BCAN: variants seen among roughly 807,000 people sequenced by gnomAD.
BCAN encodes brevican core protein.
In BCAN, 51 loss-of-function variants were observed where a neutral mutation model predicts 92.4. The ratio of observed to expected loss-of-function variants is 0.55; its 90% CI spans 0.44 to 0.70. The LOEUF (loss-of-function observed/expected upper bound fraction) is 0.70, where lower values mean the gene tolerates loss of function less well. BCAN is among the 30% of genes least tolerant of loss of function. The pLI, the probability that BCAN is intolerant of heterozygous loss-of-function variation, is 0.00. For missense variants in BCAN, 1,140 were observed against 1,212.1 expected, an observed-to-expected ratio of 0.94 and a Z score of 0.88; for synonymous variants, 501 against 505.2, an observed-to-expected ratio of 0.99 and a Z score of 0.11.
intron 6 of BCAN, 29 bp from the exon 7 acceptor site, chr1:156,651,427 C>A: frequency 6.3e-7 from 1 of 1,582,534 alleles, no homozygotes; most frequent in Non-Finnish European, 8.7e-7. Flanking sequence ...CCTATTCAGG[C>A]TCGCATCAAT....
chr1:156,657,383 T>G, intron 10 of BCAN: 2 of 556,554 alleles, frequency 3.6e-6, no homozygotes. Flanking sequence ...CTCCCTGCTC[T>G]CCGACCTCCG....
rs777787904 is a variant in BCAN at position 156,652,573 on chromosome 1, G to A, written c.1623G>A (p.Glu541=). 1.9e-6 allele frequency: 3 copies of A among 1,613,990 alleles called. No individual in the cohort carries two copies. Among genetic ancestry groups the A allele is most frequent in the African/African-American group, 2.7e-5 (2 of 74,922 alleles). Residue 541 remains glutamate (E), a synonymous_variant, in exon 8 of 14, where the codon GAG becomes GAA. Coordinates refer to ENST00000329117, the MANE Select transcript of BCAN (RefSeq NM_021948.5). ...RPPRVHGPPT[E]TLPTPRERNL... The stretch of plus-strand genomic sequence containing the variant: ...CAAGGGTCCATGGACCACCTACTGA[G>A]ACTCTGCCCACTCCCAGGGAGAGGA...
At chr1:156,648,315 G>A (rs1335743110) in intron 5 of BCAN, among the ~76,000 whole-genome samples, 1 of 152,132 alleles carries the variant, frequency 6.6e-6, no homozygotes, top group Non-Finnish European at 1.5e-5. Flanking sequence ...GCAGGATACC[G>A]AGTTTAACTC....
chr1:156,651,295 T>C (rs1191217394), intron 6 of BCAN, among the ~76,000 whole-genome samples, 161 bp from the exon 7 acceptor site: 1 of 152,204 alleles, frequency 6.6e-6, no homozygotes, highest in African/African-American at 2.4e-5. Context: ...TGATGAATGC[T>C]TGAGAAATGA....
chr1:156,657,262 A>T lies in BCAN; in HGVS notation c.2209+166A>T, dbSNP rs1015762639. On this transcript the variant is annotated intron_variant, in intron 10 of 13. Coordinates refer to ENST00000329117, the MANE Select transcript of BCAN (RefSeq NM_021948.5). Reference sequence around the variant, plus strand: ...CCCTTCTCATTCTCTCTCCCTTCCCACCCTACGCTTAGGCAGTGGCCTTCG... The same window carrying T: ...CCCTTCTCATTCTCTCTCCCTTCCCTCCCTACGCTTAGGCAGTGGCCTTCG... 24 of 966,866 alleles carry T rather than the reference A, an allele frequency of 2.5e-5. No homozygotes were observed. The African/African-American group carries it at 3.8e-4, about 15-fold the overall frequency. The allele number at this position is 966,866 out of a possible 1,614,324, so 59.9% of individuals were successfully genotyped here. A position where few individuals can be genotyped will look rare whatever the true frequency, so the allele number is the denominator to read the frequency against.
At position 156,658,703 on chromosome 1, in the gene BCAN, C is replaced by A; in HGVS notation, c.2598C>A (p.Ala866=). ...IRCQENGRWE[A]PQISCVPRRP... ...GCCAAGAGAACGGTCGTTGGGAGGC[C>A]CCCCAGATCTCCTGTGTGCCCAGAA... Residue 866 remains alanine (A), a synonymous_variant, in exon 13 of 14, where the codon GCC becomes GCA. Transcript: ENST00000329117. This position sits in a 1 kb window ranked among gnomAD's most constrained non-coding sequence, Gnocchi z 4.4. The A allele has an allele frequency of 6.2e-6, 10 of 1,614,070 alleles. No individual in the cohort carries two copies. The highest frequency in any genetic ancestry group is 8.5e-6 in the Non-Finnish European group (10 of 1,180,040).
chr1:156,650,399 A>G (rs1474939102), intron 6 of BCAN, among the ~76,000 whole-genome samples: 1 of 152,174 alleles, frequency 6.6e-6, no homozygotes, highest in African/African-American at 2.4e-5. Context: ...CTGGCTGAGC[A>G]CAGACAGCCC....
intron 1 of BCAN, among the ~76,000 whole-genome samples, chr1:156,645,179 C>G (rs4292954): frequency 0.1 from 15,189 of 152,192 alleles, 1,735 homozygotes; most frequent in African/African-American, 0.28. Context: ...TTCTCCCCCC[C>G]CTTAGTCCAC....
rs1679450813 is a variant in BCAN, at chr1:156,659,211, C to T, written c.*77C>T. 1 of 1,129,846 alleles carries T rather than the reference C, an allele frequency of 8.9e-7. No homozygotes were observed. Among genetic ancestry groups the T allele is most frequent in the Non-Finnish European group, 1.2e-6 (1 of 806,292 alleles). 70.0% of individuals were successfully genotyped at this position (1,129,846 alleles called of 1,614,324 possible). ...TTTCCCTCACACCCTGCGCTCCCGC[C>T]ACCACAGGAAGTGACAACATGACGA... On this transcript the variant is annotated 3_prime_UTR_variant, in exon 14 of 14. Coordinates refer to ENST00000329117, the MANE Select transcript of BCAN (RefSeq NM_021948.5).
intron 9 of BCAN, chr1:156,656,687 G>A: frequency 1.8e-6 from 1 of 553,426 alleles, no homozygotes; most frequent in South Asian, 2.8e-5. Context: ...TCGTTAGGAT[G>A]GAGACCCAGG....
chr1:156,649,373 G>A (rs546756890), intron 6 of BCAN, among the ~76,000 whole-genome samples: 4 of 152,272 alleles, frequency 2.6e-5, no homozygotes, highest in African/African-American at 9.6e-5. Flanking sequence ...GTACAGTTGG[G>A]AATAGAGATA....
At position 156,647,067 on chromosome 1, in the gene BCAN, G is replaced by A. The variant is rs775423010; in HGVS notation, c.358G>A (p.Val120Ile). The change falls in exon 3 of 14, where the codon GTC (valine) becomes ATC (isoleucine). Residue 120 changes from valine (V) to isoleucine (I), a missense_variant. Physicochemically the swap from Val to Ile is conservative, Grantham distance 29. Around this residue, in one of 3 missense-constraint regions of BCAN, gnomAD observed 286 missense variants for 284.1 expected, o/e 1.01. Coordinates refer to ENST00000329117, the MANE Select transcript of BCAN (RefSeq NM_021948.5). This position sits in a 1 kb window ranked among gnomAD's most constrained non-coding sequence, Gnocchi z 4.8. ...LPAYPASLTDVSLALSELRPN... is the reference protein window; with the variant it reads ...LPAYPASLTDISLALSELRPN... ...TGCGTACCCAGCGTCGCTCACCGAC[G>A]TCTCCCTGGCGCTGAGCGAGCTGCG... 4.3e-6 allele frequency: 7 copies of A among 1,611,208 alleles called. No individual in the cohort carries two copies. Among genetic ancestry groups the A allele is most frequent in the Non-Finnish European group, 5.9e-6 (7 of 1,178,146 alleles).
At position 156,653,515 on chromosome 1, in the gene BCAN, T is replaced by A. The variant is rs563578955; in HGVS notation, c.1942+623T>A. On this transcript the variant is annotated intron_variant, in intron 8 of 13. Coordinates refer to ENST00000329117, the MANE Select transcript of BCAN (RefSeq NM_021948.5). ...CTCCATCTCCTGCTGTCCACCTCTCTCATTCCATGGGTCTGTGTCATGGGG... is the reference window on the plus strand; with the variant it reads ...CTCCATCTCCTGCTGTCCACCTCTCACATTCCATGGGTCTGTGTCATGGGG... 142 of 986,816 alleles carry A rather than the reference T, an allele frequency of 1.4e-4. 1 individual carries two copies. The African/African-American group carries it at 2.2e-3, about 16-fold the overall frequency. The allele number at this position is 986,816 out of a possible 1,614,324, so 61.1% of individuals were successfully genotyped here. A position where few individuals can be genotyped will look rare whatever the true frequency, so the allele number is the denominator to read the frequency against.
chr1:156,658,465 T>G lies in BCAN; in HGVS notation c.2438-78T>G, dbSNP rs1362147066. On this transcript the variant is annotated intron_variant, in intron 12 of 13. Coordinates refer to ENST00000329117, the MANE Select transcript of BCAN (RefSeq NM_021948.5). The surrounding 1 kb of genome is among the most constrained non-coding windows in gnomAD (Gnocchi z 4.4). ...TCTTTTTTTGTCATGTTGTGGCCCA[T>G]TTTTCTCTTCCCCATGGAGATTCTG... 6.5e-7 allele frequency: 1 copy of G among 1,532,752 alleles called. No individual in the cohort carries two copies. The allele number at this position is 1,532,752 out of a possible 1,614,324, so 94.9% of individuals were successfully genotyped here. A position where few individuals can be genotyped will look rare whatever the true frequency, so the allele number is the denominator to read the frequency against.
chr1:156,656,258 G>A (rs369213649), intron 8 of BCAN, 24 bp from the exon 9 acceptor site: 7 of 1,449,996 alleles, frequency 4.8e-6, no homozygotes, highest in Admixed American at 3.0e-5. Context: ...CGCTCCCCCC[G>A]CCTCACTTCT....
chr1:156,649,177 G>C (rs1388763215), intron 6 of BCAN, among the ~76,000 whole-genome samples: 1 of 152,214 alleles, frequency 6.6e-6, no homozygotes, highest in Non-Finnish European at 1.5e-5. Context: ...TATTGGCAGA[G>C]CAAAGACGAC....
rs1355076586 is a variant in BCAN at position 156,659,119 on chromosome 1, C to T, written c.2721C>T (p.Pro907=). Residue 907 remains proline, a synonymous_variant, in exon 14 of 14, where the codon CCC becomes CCT. Coordinates refer to ENST00000329117, the MANE Select transcript of BCAN (RefSeq NM_021948.5). Reference sequence around the variant, plus strand: ...CGCTGTTGATCCCCCCTTCCAGCCCCATGCCAGGTCCCTAGGGGGCAAGGC... The same window carrying T: ...CGCTGTTGATCCCCCCTTCCAGCCCTATGCCAGGTCCCTAGGGGGCAAGGC... The part of the protein sequence containing the change: ...WKALLIPPSS[P]MPGP The T allele has an allele frequency of 3.2e-6, 5 of 1,578,772 alleles. No homozygotes were observed. The highest frequency in any genetic ancestry group is 1.3e-5 in the African/African-American group (1 of 74,568).
At position 156,652,718 on chromosome 1, in the gene BCAN, G is replaced by A. The variant is rs369853236; in HGVS notation, c.1768G>A (p.Gly590Ser). 2 of 1,604,656 alleles carry A rather than the reference G, an allele frequency of 1.2e-6. No homozygotes were observed. The highest frequency in any genetic ancestry group is 1.3e-5 in the African/African-American group (1 of 74,642). The change falls in exon 8 of 14, where the codon GGT becomes AGT. Residue 590 changes from glycine (G) to serine (S), a missense_variant. Physicochemically the swap from Gly to Ser is moderately conservative, Grantham distance 56. Coordinates refer to ENST00000329117, the MANE Select transcript of BCAN (RefSeq NM_021948.5). ...GAGCGAGGAGACAGGAAGCTCCGAG[G>A]GTGCCCCTTCCCTGCTTCCAGCCAC... ...GESEETGSSE[G>S]APSLLPATRA...
In BCAN at chr1:156,646,820, G is replaced by A; in HGVS notation, c.111G>A (p.Val37=). ...GDSSEDRAFR[V]RIAGDAPLQG... ...TCACAGAGGACCGCGCTTTTCGCGT[G>A]CGCATCGCGGGCGACGCGCCACTGC... The change falls in exon 3 of 14, where the codon GTG becomes GTA. Residue 37 remains valine, a synonymous_variant. Transcript: ENST00000329117. 1.3e-6 allele frequency: 2 copies of A among 1,569,680 alleles called. No individual in the cohort carries two copies. The highest frequency in any genetic ancestry group is 2.4e-5 in the South Asian group (2 of 84,558).
Sources: allele counts gnomAD v4.1 joint callset (sites outside exome capture counted in the v4.1 genomes callset), GRCh38; gene constraint gnomAD v4.1.1; regional missense constraint gnomAD v4.1.1; non-coding constraint Gnocchi (gnomAD v3.1); transcripts MANE v1.5; gene names NCBI Gene and HGNC (gene_info 2026-07-23, HGNC 2026-07-21).